Variants in FAM13A observed in about 807,000 individuals in gnomAD.
FAM13A encodes family with sequence similarity 13 member A.
Under a neutral mutation model 129.6 loss-of-function variants are expected in FAM13A, and 76 were observed. The observed-to-expected ratio is 0.59, with a 90% CI of 0.49 to 0.71. The LOEUF (loss-of-function observed/expected upper bound fraction) is 0.71, where lower values mean the gene tolerates loss of function less well. Among genes scored for constraint, FAM13A ranks in the 30% least tolerant of loss-of-function variants. The probability of loss-of-function intolerance (pLI) is 0.00; values close to 1 mark genes in which losing one functional copy is unlikely to be tolerated. For synonymous variants in FAM13A, 443 were observed against 449.9 expected (o/e 0.98, Z 0.20); for missense variants, 1,108 against 1,249.3 (o/e 0.89, Z 1.70).
intron 4 of FAM13A, among the ~76,000 whole-genome samples, chr4:88,983,044 C>A (rs1258496265): frequency 2.0e-5 from 3 of 152,182 alleles, no homozygotes; most frequent in African/African-American, 4.8e-5. Context: ...CCCATCTTCT[C>A]AGCTCCCCTG....
At chr4:88,880,940 C>T (rs1307327513) in intron 6 of FAM13A, among the ~76,000 whole-genome samples, 3 of 152,074 alleles carry the variant, frequency 2.0e-5, no homozygotes. Context: ...CTCCATTGGC[C>T]TGAGAACCAT....
intron 3 of FAM13A, among the ~76,000 whole-genome samples, chr4:89,015,219 A>G (rs1399064358): frequency 6.6e-6 from 1 of 152,174 alleles, no homozygotes; most frequent in Non-Finnish European, 1.5e-5. Context: ...CTGAAACTTC[A>G]TTAGCAATTT....
intron 12 of FAM13A, 63 bp downstream of exon 12, chr4:88,767,920 A>G (rs1746012925): frequency 1.1e-5 from 11 of 967,098 alleles, no homozygotes; most frequent in Non-Finnish European, 1.7e-5. Context: ...TTCACATTGC[A>G]TTACATGAAA....
intron 4 of FAM13A, among the ~76,000 whole-genome samples, chr4:88,945,738 T>A (rs1755564076): frequency 6.8e-6 from 1 of 147,356 alleles, no homozygotes; most frequent in African/African-American, 2.5e-5. Flanking sequence ...TTTCTTACTA[T>A]AAGATTGCAA....
intron 7 of FAM13A, among the ~76,000 whole-genome samples, chr4:88,839,175 C>G (rs1735375941): frequency 6.6e-6 from 1 of 152,056 alleles, no homozygotes; most frequent in African/African-American, 2.4e-5. Flanking sequence ...CTTTCCAGCT[C>G]CATTATAACA....
At chr4:88,809,980 C>T (rs890143276) in intron 7 of FAM13A, among the ~76,000 whole-genome samples, 5 of 151,206 alleles carry the variant, frequency 3.3e-5, no homozygotes, top group Non-Finnish European at 1.5e-5. Flanking sequence ...TTTTTGTAAA[C>T]CCAGGCAGCT....
intron 4 of FAM13A, among the ~76,000 whole-genome samples, chr4:88,976,095 A>T (rs945340527): frequency 6.6e-6 from 1 of 152,214 alleles, no homozygotes. Flanking sequence ...AGTCCTCTGA[A>T]ACCATGTTTG....
chr4:88,959,069 C>T (rs1483101132), intron 4 of FAM13A, among the ~76,000 whole-genome samples: 1 of 152,132 alleles, frequency 6.6e-6, no homozygotes, highest in Non-Finnish European at 1.5e-5. Flanking sequence ...ATGCATATAC[C>T]CCATTGTATC....
At chr4:88,972,898 G>A (rs916072770) in intron 4 of FAM13A, among the ~76,000 whole-genome samples, 17 of 152,076 alleles carry the variant, frequency 1.1e-4, no homozygotes, top group Non-Finnish European at 1.6e-4. Flanking sequence ...GTGAGCCACC[G>A]TGCCTGGCCT....
At chr4:88,945,787 A>ATATATATATAAGTATATATATAT (rs1234867221) in intron 4 of FAM13A, among the ~76,000 whole-genome samples, 2 of 144,042 alleles carry the variant, frequency 1.4e-5, no homozygotes, top group Non-Finnish European at 3.0e-5. Context: ...GTGGTTGTAT[A>ATATATATATAAGTATATATATAT]TATATATATA....
chr4:88,807,305 T>A (rs1169508251), intron 7 of FAM13A, among the ~76,000 whole-genome samples: 8 of 152,152 alleles, frequency 5.3e-5, no homozygotes, highest in African/African-American at 1.7e-4. Context: ...ACAGAAGCAA[T>A]ACTTTTTTCC....
chr4:88,807,626 C>G lies in FAM13A; in HGVS notation c.1008-2574G>C, dbSNP rs569213784. On this transcript the variant is annotated intron_variant, in intron 7 of 23. Coordinates refer to ENST00000264344, the MANE Select transcript of FAM13A (RefSeq NM_014883.4). ...GAAGAAAATGCATTCGATGGCCAGT[C>G]TGCATTCCAGCAGCCACAACAAGAT... 3.3e-4 allele frequency among the ~76,000 whole-genome samples: 51 copies of G among 152,284 alleles called. No homozygotes were observed. The South Asian group carries it at 6.8e-3, about 20-fold the overall frequency.
At chr4:88,864,912 A>G (rs1740119008) in intron 6 of FAM13A, among the ~76,000 whole-genome samples, 1 of 152,228 alleles carries the variant, frequency 6.6e-6, no homozygotes, top group Non-Finnish European at 1.5e-5. Context: ...TCCCAAATAT[A>G]TCTAGCTATT....
chr4:88,794,022 GAT>G (rs1725690990), intron 8 of FAM13A, among the ~76,000 whole-genome samples: 1 of 151,944 alleles, frequency 6.6e-6, no homozygotes. Context: ...CAAAGTGAAA[GAT>G]AAAGAAATTT....
In FAM13A at chr4:88,726,798, T is replaced by A. The variant is rs918390853; in HGVS notation, c.*1735A>T. 1.3e-5 allele frequency: 2 copies of A among 152,658 alleles called. No homozygotes were observed. The highest frequency in any genetic ancestry group is 2.4e-5 in the African/African-American group (1 of 41,452). 9.5% of individuals were successfully genotyped at this position (152,658 alleles called of 1,614,324 possible). A position where few individuals can be genotyped will look rare whatever the true frequency, so the allele number is the denominator to read the frequency against. On this transcript the variant is annotated 3_prime_UTR_variant, in exon 24 of 24. Transcript: ENST00000264344. ...AGCAAAGAATTCCAAACTATATTTT[T>A]ATGTACATTTAAACCTGTAGGATTA...
At chr4:88,846,300 C>T (rs17014701) in intron 7 of FAM13A, among the ~76,000 whole-genome samples, 12,465 of 152,216 alleles carry the variant, frequency 0.082, 851 homozygotes, top group African/African-American at 0.18. Flanking sequence ...GTTTCAGCTT[C>T]TTCTTTCTGT....
intron 5 of FAM13A, among the ~76,000 whole-genome samples, chr4:88,930,103 C>T (rs1296086270): frequency 6.6e-6 from 1 of 151,936 alleles, no homozygotes; most frequent in South Asian, 2.1e-4. Context: ...TTTCTGATTT[C>T]TTTGTACTGG....
At chr4:88,873,658 C>T (rs1452310639) in intron 6 of FAM13A, among the ~76,000 whole-genome samples, 1 of 152,092 alleles carries the variant, frequency 6.6e-6, no homozygotes, top group East Asian at 1.9e-4. Flanking sequence ...AATAGCCTAC[C>T]AACCAAAAAA....
At chr4:89,041,362 A>T (rs1184459215) in intron 1 of FAM13A, among the ~76,000 whole-genome samples, 1 of 152,188 alleles carries the variant, frequency 6.6e-6, no homozygotes, top group East Asian at 1.9e-4. Flanking sequence ...ATGTACAAAC[A>T]TTATGTATCA....
Sources: allele counts gnomAD v4.1 joint callset (sites outside exome capture counted in the v4.1 genomes callset), GRCh38; gene constraint gnomAD v4.1.1; transcripts MANE v1.5; gene names NCBI Gene and HGNC (gene_info 2026-07-23, HGNC 2026-07-21).